CDC42BPA: variants seen among roughly 807,000 people sequenced by gnomAD.
CDC42BPA encodes serine/threonine-protein kinase MRCK alpha.
CDC42BPA carries 80 observed loss-of-function variants against 223.5 expected under a neutral mutation model. That is an observed-to-expected ratio of 0.36 (90% CI 0.30 to 0.43). CDC42BPA has a LOEUF of 0.43. CDC42BPA is among the 20% of genes least tolerant of loss of function. The pLI, the probability that CDC42BPA is intolerant of heterozygous loss-of-function variation, is 1.00. For missense variants in CDC42BPA, 1,743 were observed against 2,099.9 expected (o/e 0.83, Z 3.32); for synonymous variants, 694 against 718.6 (o/e 0.97, Z 0.55).
intron 1 of CDC42BPA, among the ~76,000 whole-genome samples, chr1:227,258,991 A>C (rs77980628): frequency 6.6e-6 from 1 of 151,296 alleles, no homozygotes; most frequent in Non-Finnish European, 1.5e-5. Flanking sequence ...GATAAATGAC[A>C]TGCTATTCTG....
At chr1:227,073,128 A>G (rs1678757769) in intron 19 of CDC42BPA, among the ~76,000 whole-genome samples, 1 of 152,116 alleles carries the variant, frequency 6.6e-6, no homozygotes, top group Admixed American at 6.6e-5. Flanking sequence ...ATTTCTTTTC[A>G]GGCTTTTGGA....
At chr1:227,138,367 A>G (rs971477757) in intron 10 of CDC42BPA, among the ~76,000 whole-genome samples, 2 of 151,944 alleles carry the variant, frequency 1.3e-5, no homozygotes, top group African/African-American at 4.8e-5. Flanking sequence ...GGTCAGGAAA[A>G]CCTTCACTGA....
At chr1:227,081,597 T>TGTGC (rs1680679510) in intron 16 of CDC42BPA, among the ~76,000 whole-genome samples, 1 of 151,920 alleles carries the variant, frequency 6.6e-6, no homozygotes, top group South Asian at 2.1e-4. Context: ...GGATTACAGA[T>TGTGC]GTGCGCCATC....
intron 23 of CDC42BPA, among the ~76,000 whole-genome samples, chr1:227,042,585 T>C (rs1290900934): frequency 6.6e-6 from 1 of 152,130 alleles, no homozygotes; most frequent in Non-Finnish European, 1.5e-5. Context: ...CTTTAGGTAA[T>C]ACACAATAGG....
chr1:227,281,466 C>G (rs947224974), intron 1 of CDC42BPA, among the ~76,000 whole-genome samples: 1 of 152,186 alleles, frequency 6.6e-6, no homozygotes. Flanking sequence ...AAGGGCTCTT[C>G]TCTTGGATCC....
At chr1:227,186,935 ATAT>A (rs1352664986) in intron 5 of CDC42BPA, among the ~76,000 whole-genome samples, 8 of 152,198 alleles carry the variant, frequency 5.3e-5, no homozygotes, top group Non-Finnish European at 1.0e-4. Context: ...AGAGCTTCTG[ATAT>A]TTTAATGTAA....
chr1:227,276,988 T>C (rs1366837285), intron 1 of CDC42BPA, among the ~76,000 whole-genome samples: 2 of 151,726 alleles, frequency 1.3e-5, no homozygotes, highest in Non-Finnish European at 2.9e-5. Flanking sequence ...CTTGTTCACA[T>C]GTTTATCTGC....
Position 227,296,281 on chromosome 1 carries a change from T to G in CDC42BPA, c.178+20724A>C, listed in dbSNP as rs181377848. 4.6e-3 allele frequency among the ~76,000 whole-genome samples: 702 copies of G among 152,316 alleles called. 4 individuals carry two copies. The highest frequency in any genetic ancestry group is 0.016 in the African/African-American group (673 of 41,566). ...TACAGAAAGAATAATCTCTTTTCTA[T>G]ATGGCAAATCTGGAACAATTGGAAT... On this transcript the variant is annotated intron_variant, in intron 1 of 36. Coordinates refer to ENST00000366766, the MANE Select transcript of CDC42BPA (RefSeq NM_001394014.1).
rs3795449 is a variant in CDC42BPA, at chr1:226,994,137, T to G, written c.*131A>C. 320,412 of 789,516 alleles carry G rather than the reference T, an allele frequency of 0.41. 69,289 individuals are homozygous for G. The highest frequency in any genetic ancestry group is 0.47 in the Non-Finnish European group (234,321 of 503,458). The allele number at this position is 789,516 out of a possible 1,614,324, so 48.9% of individuals were successfully genotyped here. The stretch of plus-strand genomic sequence containing the variant: ...GAGTCGTGTCGTCAGAACTCCTGAA[T>G]CCCTGTCCTGCTACTGCTGCCAGCC... On this transcript the variant is annotated 3_prime_UTR_variant, in exon 37 of 37. Transcript: ENST00000366766. This position sits in a 1 kb window ranked among gnomAD's most constrained non-coding sequence, Gnocchi z 4.0.
chr1:227,188,306 T>G (rs1250535660), intron 5 of CDC42BPA, among the ~76,000 whole-genome samples: 1 of 152,088 alleles, frequency 6.6e-6, no homozygotes, highest in Non-Finnish European at 1.5e-5. Flanking sequence ...CCATGTCATT[T>G]CAAAGTGGGC....
intron 1 of CDC42BPA, among the ~76,000 whole-genome samples, chr1:227,278,333 A>C (rs1687466485): frequency 1.3e-5 from 2 of 152,234 alleles, no homozygotes; most frequent in South Asian, 4.1e-4. Flanking sequence ...CTTTAAATAG[A>C]ATTCTATCAA....
chr1:227,212,525 G>A (rs533369854), intron 3 of CDC42BPA, among the ~76,000 whole-genome samples: 26 of 151,982 alleles, frequency 1.7e-4, no homozygotes, highest in African/African-American at 5.3e-4. Flanking sequence ...GCACAGCAGC[G>A]GACCCCCCAG....
intron 2 of CDC42BPA, among the ~76,000 whole-genome samples, chr1:227,240,664 A>AT (rs878993467): frequency 4.6e-5 from 7 of 150,958 alleles, no homozygotes; most frequent in Admixed American, 4.6e-4. Flanking sequence ...TTTTCAACAA[A>AT]TGGTGCTGAA....
chr1:227,075,079 A>G (rs1033529715), intron 17 of CDC42BPA, among the ~76,000 whole-genome samples: 3 of 152,206 alleles, frequency 2.0e-5, no homozygotes, highest in African/African-American at 7.2e-5. Context: ...GGAGTCCAGC[A>G]TATCTACAAG....
intron 3 of CDC42BPA, among the ~76,000 whole-genome samples, chr1:227,205,059 G>A (rs921449309): frequency 6.6e-6 from 1 of 152,008 alleles, no homozygotes; most frequent in Non-Finnish European, 1.5e-5. Flanking sequence ...AGGAGTTCAA[G>A]ACCAGCCTGG....
At chr1:227,282,602 C>T (rs1487417759) in intron 1 of CDC42BPA, among the ~76,000 whole-genome samples, 1 of 152,084 alleles carries the variant, frequency 6.6e-6, no homozygotes, top group Non-Finnish European at 1.5e-5. Context: ...AATAATTTTT[C>T]AAGTATTTAA....
At chr1:226,998,484 A>G (rs1397622369) in intron 35 of CDC42BPA, among the ~76,000 whole-genome samples, 1 of 152,210 alleles carries the variant, frequency 6.6e-6, no homozygotes, top group Non-Finnish European at 1.5e-5. Flanking sequence ...CCTCAGAAGT[A>G]ATGCCACGTA....
intron 2 of CDC42BPA, among the ~76,000 whole-genome samples, chr1:227,227,834 TA>T (rs35103092): frequency 6.6e-6 from 1 of 151,368 alleles, no homozygotes; most frequent in East Asian, 1.9e-4. Flanking sequence ...AGGTCCATAT[TA>T]AAAAAAAATC....
intron 6 of CDC42BPA, among the ~76,000 whole-genome samples, chr1:227,158,572 A>G (rs1475815857): frequency 6.6e-6 from 1 of 152,168 alleles, no homozygotes; most frequent in Non-Finnish European, 1.5e-5. Flanking sequence ...AAGATTTGTC[A>G]TAAGCCCCTC....
Sources: allele counts gnomAD v4.1 joint callset (sites outside exome capture counted in the v4.1 genomes callset), GRCh38; gene constraint gnomAD v4.1.1; non-coding constraint Gnocchi (gnomAD v3.1); transcripts MANE v1.5; gene names NCBI Gene and HGNC (gene_info 2026-07-23, HGNC 2026-07-21).